Variants in LYPD8 observed in about 807,000 individuals in gnomAD.
The protein encoded by LYPD8 is LY6/PLAUR domain containing 8, also known as ly6/PLAUR domain-containing protein 8.
Under a neutral mutation model 1.7 loss-of-function variants are expected in LYPD8, and 8 were observed. The ratio of observed to expected loss-of-function variants is 4.58; its 90% CI spans 2.69 to 8.27. The LOEUF is 8.27. LYPD8 is among the 30% of genes most tolerant of loss of function. The pLI is 0.00. For synonymous variants in LYPD8, 50 were observed against 43.6 expected, an observed-to-expected ratio of 1.15 and a Z score of -0.58; for missense variants, 112 against 102.3, an observed-to-expected ratio of 1.09 and a Z score of -0.41.
intron 5 of LYPD8, among the ~76,000 whole-genome samples, chr1:248,746,621 C>T (rs1220404787): frequency 5.3e-5 from 7 of 131,086 alleles, no homozygotes; most frequent in Non-Finnish European, 8.3e-5. Flanking sequence ...GCATCCCCCG[C>T]ACGGCCAGCA....
Position 248,739,949 on chromosome 1 carries a change from C to G in LYPD8, c.476-100G>C. On this transcript the variant is annotated intron_variant, in intron 6 of 6. Transcript: ENST00000590317. This position sits in a 1 kb window ranked among gnomAD's most constrained non-coding sequence, Gnocchi z 4.3. Reference sequence around the variant, plus strand: ...CACCTGCAGCACGGTGGCCCGGTGACCAGCAAGAGCTGGTGTGCTCCTGAA... The same window carrying G: ...CACCTGCAGCACGGTGGCCCGGTGAGCAGCAAGAGCTGGTGTGCTCCTGAA... The G allele has an allele frequency of 6.8e-7, 1 of 1,466,524 alleles. No homozygotes were observed. Among genetic ancestry groups the G allele is most frequent in the Non-Finnish European group, 9.2e-7 (1 of 1,090,994 alleles). 90.8% of individuals were successfully genotyped at this position (1,466,524 alleles called of 1,614,324 possible).
chr1:248,748,521 G>T, intron 4 of LYPD8, 68 bp from the exon 5 acceptor site: 1 of 398,988 alleles, frequency 2.5e-6, no homozygotes, highest in South Asian at 1.3e-4. Context: ...TGGAGACCCA[G>T]AATAGCAACT....
chr1:248,751,749 C>T (rs1189752422), intron 2 of LYPD8, among the ~76,000 whole-genome samples: 1 of 152,128 alleles, frequency 6.6e-6, no homozygotes, highest in Non-Finnish European at 1.5e-5. Flanking sequence ...GGTATCAGAA[C>T]TGGAGTTTCG....
intron 4 of LYPD8, 150 bp downstream of exon 4, chr1:248,750,374 G>A (rs1028279934): frequency 6.6e-5 from 26 of 392,908 alleles, no homozygotes; most frequent in African/African-American, 4.3e-4. Flanking sequence ...TCAGCCAAGC[G>A]TTGTTTCTCC....
At chr1:248,752,734 TCACACACAC>T (rs1662825678) in intron 2 of LYPD8, among the ~76,000 whole-genome samples, 1 of 23,268 alleles carries the variant, frequency 4.3e-5, no homozygotes, top group African/African-American at 1.7e-4. Context: ...CACACACACA[TCACACACAC>T]CACACACCCC....
In LYPD8 at chr1:248,740,818, C is replaced by T. The variant is rs560723694; in HGVS notation, c.476-969G>A. On this transcript the variant is annotated intron_variant, in intron 6 of 6. Transcript: ENST00000590317. ...GCTGGCTCTAGGACCAGGCATGAAG[C>T]AGGGCTGCAATTTGAGTTCAAGGCT... is the stretch of plus-strand genomic sequence containing the variant. 2.6e-5 allele frequency among the ~76,000 whole-genome samples: 4 copies of T among 151,910 alleles called. No homozygotes were observed. The South Asian group carries it at 8.4e-4, about 32-fold the overall frequency.
chr1:248,750,182 G>A (rs1418422044), intron 4 of LYPD8, among the ~76,000 whole-genome samples: 1 of 152,196 alleles, frequency 6.6e-6, no homozygotes, highest in Admixed American at 6.5e-5. Flanking sequence ...GGAACCATGA[G>A]AGAGAGAAAT....
rs1405803509 is a variant in LYPD8, at chr1:248,753,489, CACACAACACACA to C, written c.-50+1738_-50+1749del. Among the ~76,000 whole-genome samples, 3 of 117,840 alleles carry C rather than the reference CACACAACACACA, an allele frequency of 2.5e-5. 1 individual carries two copies. The highest frequency in any genetic ancestry group is 8.4e-5 in the Admixed American group (1 of 11,864). 77.3% of individuals were successfully genotyped at this position (117,840 alleles called of 152,430 possible). Reference sequence around the variant, plus strand: ...ACAACACACCACATCACACACACATCACACAACACACAACACAACACACACATCACACACCCC... The same window carrying C: ...ACAACACACCACATCACACACACATCACACAACACACACATCACACACCCC... On this transcript the variant is annotated intron_variant, in intron 2 of 6. Coordinates refer to ENST00000590317, the MANE Select transcript of LYPD8 (RefSeq NM_001085474.2).
chr1:248,742,282 G>GC (rs1553283475), intron 6 of LYPD8, among the ~76,000 whole-genome samples: 14 of 109,524 alleles, frequency 1.3e-4, no homozygotes, highest in African/African-American at 4.7e-4. Context: ...GATGTTGGCA[G>GC]CGGGGGAGAT....
intron 5 of LYPD8, among the ~76,000 whole-genome samples, chr1:248,745,857 A>C (rs1662719846): frequency 6.6e-6 from 1 of 152,250 alleles, no homozygotes; most frequent in African/African-American, 2.4e-5. Flanking sequence ...CCTTACAGGG[A>C]GTACTACAAG....
In LYPD8 at chr1:248,739,524, G is replaced by C; in HGVS notation, c.*87C>G. 1 of 1,528,802 alleles carries C rather than the reference G, an allele frequency of 6.5e-7. No homozygotes were observed. The highest frequency in any genetic ancestry group is 1.2e-5 in the South Asian group (1 of 81,898). The allele number at this position is 1,528,802 out of a possible 1,614,324, so 94.7% of individuals were successfully genotyped here. A position where few individuals can be genotyped will look rare whatever the true frequency, so the allele number is the denominator to read the frequency against. On this transcript the variant is annotated 3_prime_UTR_variant, in exon 7 of 7. Coordinates refer to ENST00000590317, the MANE Select transcript of LYPD8 (RefSeq NM_001085474.2). This position sits in a 1 kb window ranked among gnomAD's most constrained non-coding sequence, Gnocchi z 4.3. ...CTGGGCAGTTAAACGGGGCAGAGCA[G>C]GGAAAGAGGGTGTCAGCACCGCAGG...
chr1:248,739,597 G>A lies in LYPD8; in HGVS notation c.*14C>T, dbSNP rs1553283014. 3 of 1,550,764 alleles carry A rather than the reference G, an allele frequency of 1.9e-6. No individual in the cohort carries two copies. The highest frequency in any genetic ancestry group is 2.7e-5 in the African/African-American group (2 of 73,036). On this transcript the variant is annotated 3_prime_UTR_variant, in exon 7 of 7. Transcript: ENST00000590317. This position sits in a 1 kb window ranked among gnomAD's most constrained non-coding sequence, Gnocchi z 4.3. The stretch of plus-strand genomic sequence containing the variant: ...GCAGAAATGGGGTGCTGGGCAAAGT[G>A]CAGCCCCAGGACCTCAGGGCAGCAG...
intron 6 of LYPD8, among the ~76,000 whole-genome samples, chr1:248,741,349 G>A (rs2103165374): frequency 6.6e-6 from 1 of 152,318 alleles, no homozygotes; most frequent in Non-Finnish European, 1.5e-5. Flanking sequence ...ACGGACTACA[G>A]GCGCGTGCCA....
intron 4 of LYPD8, among the ~76,000 whole-genome samples, chr1:248,748,694 T>G (rs969670761): frequency 2.6e-5 from 4 of 152,212 alleles, no homozygotes; most frequent in Non-Finnish European, 5.9e-5. Context: ...AAAAGTCTGA[T>G]TGGGAGCCTG....
Position 248,748,329 on chromosome 1 carries a change from G to T in LYPD8, c.297C>A (p.Cys99Ter). 2.1e-6 allele frequency: 1 copy of T among 468,700 alleles called. No homozygotes were observed. The highest frequency in any genetic ancestry group is 3.7e-6 in the Non-Finnish European group (1 of 268,524). 29.0% of individuals were successfully genotyped at this position (468,700 alleles called of 1,614,324 possible). A position where few individuals can be genotyped will look rare whatever the true frequency, so the allele number is the denominator to read the frequency against. The part of the protein sequence containing the change: ...AEEHFHFVSQ[C>*]CQGKECSNTS... ...TGTTGCTGCATTCCTTTCCTTGGCA[G>T]CACTGGCTTACAAAATGAAAGTGTT... Residue 99 changes from cysteine (C) to a stop codon, truncating the protein, a stop_gained, in exon 5 of 7, where the codon TGC (cysteine) becomes TGA (stop). Transcript: ENST00000590317. LOFTEE classifies it high-confidence loss of function.
intron 2 of LYPD8, among the ~76,000 whole-genome samples, chr1:248,752,776 A>C (rs1460222959): frequency 1.7e-4 from 12 of 70,868 alleles, no homozygotes; most frequent in East Asian, 5.1e-4. Context: ...CACCCCACAC[A>C]ACACACACCA....
chr1:248,748,457 C>T lies in LYPD8; in HGVS notation c.173-4G>A. On this transcript the variant is annotated splice_region_variant and splice_polypyrimidine_tract_variant and intron_variant, in intron 4 of 6. Coordinates refer to ENST00000590317, the MANE Select transcript of LYPD8 (RefSeq NM_001085474.2). ...TGGTATAATCTGACTGGTGTCTCTA[C>T]ACAAAGACAAACACAGACTGTCAGC... The T allele has an allele frequency of 2.5e-6, 1 of 403,930 alleles. No individual in the cohort carries two copies. Among genetic ancestry groups the T allele is most frequent in the East Asian group, 3.6e-5 (1 of 28,094 alleles). 25.0% of individuals were successfully genotyped at this position (403,930 alleles called of 1,614,324 possible).
rs1662784405 is a variant in LYPD8, at chr1:248,750,592, CTG to C, written c.102_103del (p.Asn34LysfsTer5). ...ATGTGAGGGACATTCAGAGGCAATG[CTG>C]TTGACACAGGATTTTTCCCATGAAT... On this transcript the variant is annotated frameshift_variant, in exon 4 of 7. Transcript: ENST00000590317. LOFTEE classifies it high-confidence loss of function. The C allele has an allele frequency of 2.5e-6, 1 of 398,520 alleles. No individual in the cohort carries two copies. Among genetic ancestry groups the C allele is most frequent in the Non-Finnish European group, 4.4e-6 (1 of 226,096 alleles). The allele number at this position is 398,520 out of a possible 1,614,324, so 24.7% of individuals were successfully genotyped here.
chr1:248,746,898 G>C (rs1429707107), intron 5 of LYPD8, among the ~76,000 whole-genome samples: 2 of 998 alleles, frequency 2.0e-3, no homozygotes, highest in African/African-American at 0.01. Context: ...CCAGGGCATC[G>C]CCCGCACGGC....
Sources: allele counts gnomAD v4.1 joint callset (sites outside exome capture counted in the v4.1 genomes callset), GRCh38; gene constraint gnomAD v4.1.1; non-coding constraint Gnocchi (gnomAD v3.1); transcripts MANE v1.5; gene names NCBI Gene and HGNC (gene_info 2026-07-23, HGNC 2026-07-21).